The following HPSE2 variants were observed in gnomAD, a reference collection of about 807,000 sequenced individuals.
HPSE2 encodes the protein inactive heparanase-2.
In HPSE2, 38 loss-of-function variants were observed where a neutral mutation model predicts 60.5. The ratio of observed to expected loss-of-function variants is 0.63; its 90% CI spans 0.48 to 0.82. The LOEUF (loss-of-function observed/expected upper bound fraction) is 0.82, where lower values mean the gene tolerates loss of function less well. Ranked by LOEUF, HPSE2 falls within the 40% of genes least tolerant of loss-of-function variation. The probability of loss-of-function intolerance (pLI) is 0.00; values close to 1 mark genes in which losing one functional copy is unlikely to be tolerated. For synonymous variants in HPSE2, 295 were observed against 293.2 expected (o/e 1.01, Z -0.06); for missense variants, 713 against 740.4 (o/e 0.96, Z 0.43).
chr10:99,257,566 G>A, the HPSE2 span, among the ~76,000 whole-genome samples: 2 of 152,132 alleles, frequency 1.3e-5, no homozygotes, highest in African/African-American at 4.8e-5. Flanking sequence ...GGTCAGACCG[G>A]TTGTCTGCTC....
At position 98,525,074 on chromosome 10, in the gene HPSE2, G is replaced by A. The variant is rs375543885; in HGVS notation, c.1321-34878C>T. ...CGCCCAGGCTGGAGTGCAATGGCAC[G>A]ATCTTGGCTCACTGCAACCTCCACC... On this transcript the variant is annotated intron_variant, in intron 9 of 11. Coordinates refer to ENST00000370552, the MANE Select transcript of HPSE2 (RefSeq NM_021828.5). 3.9e-5 allele frequency among the ~76,000 whole-genome samples: 6 copies of A among 152,134 alleles called. No individual in the cohort carries two copies. The East Asian group carries it at 7.7e-4, about 20-fold the overall frequency.
intron 3 of HPSE2, among the ~76,000 whole-genome samples, chr10:99,020,903 C>T (rs1347891486): frequency 6.6e-6 from 1 of 152,142 alleles, no homozygotes; most frequent in Non-Finnish European, 1.5e-5. Context: ...AGGGAACACA[C>T]AGGCCATGGA....
chr10:98,700,112 T>C (rs1453291666), intron 5 of HPSE2, among the ~76,000 whole-genome samples: 2 of 151,234 alleles, frequency 1.3e-5, no homozygotes, highest in South Asian at 2.1e-4. Flanking sequence ...AAGCTACCAA[T>C]GACTTTCTTC....
intron 3 of HPSE2, among the ~76,000 whole-genome samples, chr10:99,029,961 G>A (rs981055768): frequency 6.6e-6 from 1 of 152,150 alleles, no homozygotes; most frequent in Non-Finnish European, 1.5e-5. Context: ...CCTGGCAACG[G>A]GCATCTTCCC....
At chr10:98,479,961 C>T (rs919416480) in intron 11 of HPSE2, among the ~76,000 whole-genome samples, 2 of 152,168 alleles carry the variant, frequency 1.3e-5, no homozygotes, top group Admixed American at 6.5e-5. Context: ...AATTCAGATC[C>T]TCACCTTCTA....
chr10:98,969,671 T>G (rs760271375), intron 3 of HPSE2, among the ~76,000 whole-genome samples: 4 of 152,242 alleles, frequency 2.6e-5, no homozygotes, highest in Admixed American at 6.5e-5. Flanking sequence ...ACTTCTCCTA[T>G]TCCCTTTCAT....
At chr10:99,029,656 G>T (rs1957455247) in intron 3 of HPSE2, among the ~76,000 whole-genome samples, 1 of 152,214 alleles carries the variant, frequency 6.6e-6, no homozygotes, top group Non-Finnish European at 1.5e-5. Context: ...GCATATCAGA[G>T]ACTTTTAGTA....
At chr10:98,906,360 T>C (rs532474384) in intron 3 of HPSE2, among the ~76,000 whole-genome samples, 1 of 152,236 alleles carries the variant, frequency 6.6e-6, no homozygotes, top group Admixed American at 6.5e-5. Context: ...ACCATGATAT[T>C]AGGAACATCA....
chr10:98,878,358 A>G (rs565497534), intron 3 of HPSE2, among the ~76,000 whole-genome samples: 1 of 151,980 alleles, frequency 6.6e-6, no homozygotes, highest in Non-Finnish European at 1.5e-5. Context: ...TCACTCAGCA[A>G]GTACTGTTGA....
intron 3 of HPSE2, among the ~76,000 whole-genome samples, chr10:98,803,200 C>T (rs1950958969): frequency 6.6e-6 from 1 of 151,004 alleles, no homozygotes; most frequent in Non-Finnish European, 1.5e-5. Context: ...TGTTTGAGTT[C>T]ATTGTAGATT....
intron 3 of HPSE2, among the ~76,000 whole-genome samples, chr10:99,031,188 C>A (rs990966694): frequency 2.0e-5 from 3 of 152,036 alleles, no homozygotes; most frequent in Admixed American, 6.6e-5. Flanking sequence ...GGGACGGATA[C>A]CACATTCTCC....
At chr10:98,868,896 A>G (rs1952661244) in intron 3 of HPSE2, among the ~76,000 whole-genome samples, 1 of 152,120 alleles carries the variant, frequency 6.6e-6, no homozygotes, top group Admixed American at 6.6e-5. Flanking sequence ...GGATTTTTCT[A>G]GTTAAAATCT....
intron 3 of HPSE2, among the ~76,000 whole-genome samples, chr10:99,041,045 C>T (rs1342276119): frequency 6.6e-6 from 1 of 151,764 alleles, no homozygotes; most frequent in African/African-American, 2.4e-5. Context: ...AGAGATCGCG[C>T]CACTTCACTC....
intron 3 of HPSE2, among the ~76,000 whole-genome samples, chr10:98,920,578 C>A (rs1954254349): frequency 6.6e-6 from 1 of 152,076 alleles, no homozygotes; most frequent in South Asian, 2.1e-4. Context: ...CACAACCCAG[C>A]CCAGTGTTTA....
intron 4 of HPSE2, among the ~76,000 whole-genome samples, chr10:98,732,127 G>A (rs4598604): frequency 0.038 from 5,768 of 152,064 alleles, 242 homozygotes; most frequent in East Asian, 0.17. Context: ...ACATTGCTGA[G>A]ATAAATTAAA....
intron 3 of HPSE2, among the ~76,000 whole-genome samples, chr10:98,997,528 G>A (rs750290175): frequency 2.0e-4 from 31 of 152,092 alleles, no homozygotes; most frequent in African/African-American, 5.8e-4. Flanking sequence ...CATTTATTCC[G>A]TTCAAAATAG....
At chr10:98,969,094 C>T (rs1955885547) in intron 3 of HPSE2, among the ~76,000 whole-genome samples, 1 of 152,098 alleles carries the variant, frequency 6.6e-6, no homozygotes, top group Non-Finnish European at 1.5e-5. Flanking sequence ...ATCAAAGTCA[C>T]TTTACATTAC....
chr10:98,672,014 C>G (rs575482678), intron 6 of HPSE2, among the ~76,000 whole-genome samples: 2 of 152,322 alleles, frequency 1.3e-5, no homozygotes, highest in East Asian at 3.9e-4. Flanking sequence ...CGACATTTTT[C>G]ATGTGATTCA....
chr10:98,764,712 C>T (rs11189808), intron 3 of HPSE2, among the ~76,000 whole-genome samples: 107,441 of 151,710 alleles, frequency 0.71, 39,071 homozygotes, highest in Non-Finnish European at 0.81. Flanking sequence ...CAAAAATTAG[C>T]CGGGTGTGGT....
Sources: gnomAD v4.1 joint callset for allele counts (sites outside exome capture counted in the v4.1 genomes callset) on GRCh38, gnomAD v4.1.1 for gene constraint, MANE v1.5 for transcripts, NCBI Gene and HGNC (gene_info 2026-07-23, HGNC 2026-07-21) for gene names.